TNS1: variants seen among roughly 807,000 people sequenced by gnomAD.
The protein encoded by TNS1 is tensin 1.
In TNS1, 62 loss-of-function variants were observed where a neutral mutation model predicts 168.6. That is an observed-to-expected ratio of 0.37 (90% confidence interval 0.30 to 0.45). The LOEUF (loss-of-function observed/expected upper bound fraction) is 0.45. TNS1 is among the 20% of genes least tolerant of loss of function. TNS1 has a pLI of 1.00. For missense variants in TNS1, 2,240 were observed against 2,339.4 expected (o/e 0.96, Z 0.88); for synonymous variants, 934 against 933.2 (o/e 1.00, Z -0.02).
chr2:217,849,129 C>T (rs776784064), intron 18 of TNS1, 42 bp from the exon 19 acceptor site: 8 of 1,574,314 alleles, frequency 5.1e-6, no homozygotes, highest in East Asian at 2.3e-5. Flanking sequence ...AGACAACAGA[C>T]ATTAGCGGGA....
At chr2:217,894,912 A>G in intron 9 of TNS1, 94 bp downstream of exon 9, 1 of 1,250,680 alleles carries the variant, frequency 8.0e-7, no homozygotes, top group Non-Finnish European at 1.2e-6. Flanking sequence ...AAACTGTCAC[A>G]GCATTTTCCC....
At chr2:217,892,629 CT>C (rs986807514) in intron 11 of TNS1, among the ~76,000 whole-genome samples, 1 of 152,158 alleles carries the variant, frequency 6.6e-6, no homozygotes, top group African/African-American at 2.4e-5. Flanking sequence ...TCCCTTCCTG[CT>C]GGCCCAGGGA....
intron 18 of TNS1, among the ~76,000 whole-genome samples, chr2:217,866,682 C>T (rs1191512911): frequency 1.3e-5 from 2 of 152,148 alleles, no homozygotes; most frequent in African/African-American, 2.4e-5. Flanking sequence ...TTAGCTAGTC[C>T]GCAGCCTCTC....
At chr2:217,993,012 T>A (rs1268715419) in intron 1 of TNS1, among the ~76,000 whole-genome samples, 1 of 152,182 alleles carries the variant, frequency 6.6e-6, no homozygotes, top group Non-Finnish European at 1.5e-5. Flanking sequence ...TACATTTAGA[T>A]ATGTTTAGAT....
intron 3 of TNS1, among the ~76,000 whole-genome samples, chr2:217,947,990 A>G (rs1957153832): frequency 6.6e-6 from 1 of 152,186 alleles, no homozygotes; most frequent in Admixed American, 6.5e-5. Flanking sequence ...AGTTAAGCAA[A>G]AGCACAAAGC....
intron 7 of TNS1, among the ~76,000 whole-genome samples, 191 bp from the exon 8 acceptor site, chr2:217,898,160 G>A (rs1432822063): frequency 5.3e-5 from 8 of 152,218 alleles, no homozygotes; most frequent in East Asian, 1.9e-4. Flanking sequence ...TGGGAGTGCC[G>A]GCGAGAACAA....
intron 1 of TNS1, among the ~76,000 whole-genome samples, chr2:218,020,484 G>A (rs539383056): frequency 2.6e-5 from 4 of 152,102 alleles, no homozygotes; most frequent in African/African-American, 9.6e-5. Flanking sequence ...GCCTGAGAAC[G>A]CTGACCCCTG....
rs558402714 is a variant in TNS1 at position 218,020,126 on chromosome 2, C to A, written c.156+13694G>T. ...TTTTTTCTATTATTGAAGCATAAAT[C>A]CCAGAGGGAAAAAAAGGAGCGGAAA... On this transcript the variant is annotated intron_variant, in intron 1 of 1. Coordinates refer to the TNS1 transcript ENST00000649572. 2.6e-5 allele frequency among the ~76,000 whole-genome samples: 4 copies of A among 152,208 alleles called. No homozygotes were observed. The South Asian group carries it at 8.3e-4, about 32-fold the overall frequency.
upstream of TNS1, among the ~76,000 whole-genome samples, chr2:218,012,008 C>T (rs1485671923): frequency 6.6e-6 from 1 of 152,208 alleles, no homozygotes; most frequent in Non-Finnish European, 1.5e-5. Context: ...CCATCTCCAA[C>T]AGGCCGGGCC....
At chr2:217,863,649 C>T (rs1948999942) in intron 18 of TNS1, among the ~76,000 whole-genome samples, 1 of 152,232 alleles carries the variant, frequency 6.6e-6, no homozygotes, top group South Asian at 2.1e-4. Flanking sequence ...CAAGTGATTT[C>T]CTTTTCCTGG....
Position 217,991,005 on chromosome 2 carries a change from T to G in TNS1, c.85A>C (p.Lys29Gln). The G allele has an allele frequency of 1.4e-6, 1 of 695,452 alleles. No homozygotes were observed. The highest frequency in any genetic ancestry group is 2.6e-6 in the Non-Finnish European group (1 of 379,482). 43.1% of individuals were successfully genotyped at this position (695,452 alleles called of 1,614,324 possible). A position where few individuals can be genotyped will look rare whatever the true frequency, so the allele number is the denominator to read the frequency against. The change falls in exon 2 of 33, where the codon AAG becomes CAG. Residue 29 changes from lysine to glutamine, a missense_variant. Lys to Gln is a moderately conservative substitution (Grantham distance 53). Coordinates refer to ENST00000682258, the MANE Select transcript of TNS1 (RefSeq NM_001387777.1). ...KTHRFKVKTF[K>Q]KVKPCGICRQ... ...CAGATCCCACAGGGCTTCACCTTCT[T>G]GAAGGTCTTCACCTTGAAGCGGTGT... is the stretch of plus-strand genomic sequence containing the variant.
At chr2:217,924,171 T>C (rs149061557) in intron 3 of TNS1, among the ~76,000 whole-genome samples, 125 of 152,340 alleles carry the variant, frequency 8.2e-4, no homozygotes, top group Middle Eastern at 3.4e-3. Context: ...TTGGAGCCTG[T>C]GAGTACACAG....
At chr2:217,828,275 C>A (rs541953814) in intron 22 of TNS1, among the ~76,000 whole-genome samples, 22 of 152,314 alleles carry the variant, frequency 1.4e-4, no homozygotes, top group African/African-American at 4.1e-4. Context: ...GTTGCCCAAA[C>A]CCCAGCTGGT....
At chr2:217,884,147 G>GTGAATGGATGGATGGA (rs1553596584) in intron 16 of TNS1, among the ~76,000 whole-genome samples, 34 of 119,568 alleles carry the variant, frequency 2.8e-4, no homozygotes, top group Admixed American at 8.8e-5. Flanking sequence ...GGGTGGGTGG[G>GTGAATGGATGGATGGA]TGGATGGATG....
upstream of TNS1, among the ~76,000 whole-genome samples, chr2:218,011,366 G>A (rs1958704619): frequency 6.6e-6 from 1 of 152,144 alleles, no homozygotes; most frequent in African/African-American, 2.4e-5. Context: ...AGAGCTGGAG[G>A]GGCACCCATG....
chr2:217,889,861 G>A (rs1169913671), intron 12 of TNS1, among the ~76,000 whole-genome samples: 1 of 152,208 alleles, frequency 6.6e-6, no homozygotes, highest in Non-Finnish European at 1.5e-5. Flanking sequence ...CAGGTCTCCA[G>A]TTTGGGCTTG....
chr2:218,014,924 GC>G (rs1466312980), upstream of TNS1, among the ~76,000 whole-genome samples: 80 of 76,816 alleles, frequency 1.0e-3, no homozygotes, highest in East Asian at 5.7e-3. Context: ...AGGAAGGAAG[GC>G]AGGCAGGCAG....
intron 3 of TNS1, among the ~76,000 whole-genome samples, chr2:217,929,382 G>A (rs962835710): frequency 1.3e-5 from 2 of 152,160 alleles, no homozygotes; most frequent in Non-Finnish European, 2.9e-5. Flanking sequence ...TGAGCAGGGG[G>A]GTCAGAGACA....
chr2:217,918,513 C>A (rs972741982), intron 4 of TNS1, among the ~76,000 whole-genome samples: 1 of 152,342 alleles, frequency 6.6e-6, no homozygotes, highest in East Asian at 1.9e-4. Context: ...CGAGTCTCTT[C>A]TGGATTCTAA....
Sources: gnomAD v4.1 joint callset for allele counts (sites outside exome capture counted in the v4.1 genomes callset) on GRCh38, gnomAD v4.1.1 for gene constraint, MANE v1.5 for transcripts, NCBI Gene and HGNC (gene_info 2026-07-23, HGNC 2026-07-21) for gene names.